Variants in GRAMD1B observed in about 807,000 individuals in gnomAD.
GRAMD1B encodes the protein protein Aster-B.
A neutral mutation model predicts 99.7 loss-of-function variants in GRAMD1B; 37 were observed. The observed-to-expected ratio is 0.37, with a 90% CI of 0.29 to 0.49. The LOEUF (loss-of-function observed/expected upper bound fraction) is 0.49. Among genes scored for constraint, GRAMD1B ranks in the 20% least tolerant of loss-of-function variants. GRAMD1B has a pLI of 0.98. For missense variants in GRAMD1B, 888 were observed against 1,009.2 expected (o/e 0.88, Z 1.63); for synonymous variants, 427 against 387.6 (o/e 1.10, Z -1.19).
intron 1 of GRAMD1B, among the ~76,000 whole-genome samples, chr11:123,457,981 G>A (rs1159562524): frequency 6.6e-6 from 1 of 152,212 alleles, no homozygotes. Context: ...CTCCCAAAAT[G>A]TTGGGATTAC....
At chr11:123,563,150 C>T (rs968677479) in intron 2 of GRAMD1B, among the ~76,000 whole-genome samples, 1 of 152,120 alleles carries the variant, frequency 6.6e-6, no homozygotes, top group Non-Finnish European at 1.5e-5. Flanking sequence ...GAAAATGTCA[C>T]GTGGAGGAGA....
At chr11:123,621,250 T>C (rs1955085036) in intron 19 of GRAMD1B, among the ~76,000 whole-genome samples, 1 of 152,210 alleles carries the variant, frequency 6.6e-6, no homozygotes, top group Non-Finnish European at 1.5e-5. Flanking sequence ...TCTTATGTTG[T>C]AATACAGCAG....
chr11:123,480,968 G>A (rs1200934338), intron 2 of GRAMD1B, 75 bp downstream of exon 2: 1 of 398,158 alleles, frequency 2.5e-6, no homozygotes, highest in African/African-American at 2.1e-5. Flanking sequence ...GGAAGATTGT[G>A]CCTCTGCTCT....
At chr11:123,611,079 C>T (rs993907361) in intron 14 of GRAMD1B, among the ~76,000 whole-genome samples, 2 of 152,112 alleles carry the variant, frequency 1.3e-5, no homozygotes, top group Admixed American at 1.3e-4. Flanking sequence ...GCCAAAAATT[C>T]GCTGATGTAG....
chr11:123,405,541 G>A (rs1212501935), intron 1 of GRAMD1B, among the ~76,000 whole-genome samples: 1 of 152,200 alleles, frequency 6.6e-6, no homozygotes, highest in Non-Finnish European at 1.5e-5. Flanking sequence ...CTGTGTTTGA[G>A]ATGCACTGTT....
intron 1 of GRAMD1B, among the ~76,000 whole-genome samples, chr11:123,399,991 A>G (rs960795924): frequency 1.3e-5 from 2 of 152,136 alleles, no homozygotes; most frequent in African/African-American, 4.8e-5. Context: ...CCTGGTAACC[A>G]TTTATATGTC....
At chr11:123,599,293 T>C in intron 7 of GRAMD1B, 2 of 725,600 alleles carry the variant, frequency 2.8e-6, no homozygotes, top group Non-Finnish European at 5.2e-6. Flanking sequence ...GGGTTCCCAC[T>C]GACCTCCATA....
At chr11:123,389,975 T>C (rs1947214708) in intron 1 of GRAMD1B, among the ~76,000 whole-genome samples, 1 of 152,156 alleles carries the variant, frequency 6.6e-6, no homozygotes, top group African/African-American at 2.4e-5. Context: ...CAGGCTGGTC[T>C]CAAACTCCTG....
intron 2 of GRAMD1B, among the ~76,000 whole-genome samples, chr11:123,541,042 C>T (rs551621523): frequency 4.6e-5 from 7 of 152,144 alleles, no homozygotes; most frequent in Admixed American, 4.6e-4. Flanking sequence ...GGCGTGATCT[C>T]GGCTCATCGC....
chr11:123,414,421 G>C, intron 1 of GRAMD1B, among the ~76,000 whole-genome samples: 1 of 152,166 alleles, frequency 6.6e-6, no homozygotes, highest in Non-Finnish European at 1.5e-5. Flanking sequence ...GCCAGGGACA[G>C]TGTTACGTAC....
At chr11:123,367,469 A>G (rs574952753) in intron 1 of GRAMD1B, among the ~76,000 whole-genome samples, 3 of 152,292 alleles carry the variant, frequency 2.0e-5, no homozygotes, top group East Asian at 3.9e-4. Context: ...AAAGGTGAGT[A>G]GGCGTGATCC....
Position 123,554,451 on chromosome 11 carries a change from C to T in GRAMD1B, c.453-22916C>T, listed in dbSNP as rs1182789509. Among the ~76,000 whole-genome samples the T allele has an allele frequency of 3.4e-5, 5 of 149,206 alleles. No individual in the cohort carries two copies. The South Asian group carries it at 8.5e-4, about 25-fold the overall frequency. On this transcript the variant is annotated intron_variant, in intron 2 of 19. Coordinates refer to ENST00000635736, the MANE Select transcript of GRAMD1B (RefSeq NM_001387025.1). The stretch of plus-strand genomic sequence containing the variant: ...TGCATATAATTCCAGCACTTTGGGC[C>T]GCCAAGGTGGGAGGATCGCTTGAGC...
rs998053918 is a variant in GRAMD1B, at chr11:123,465,312, C to T, written c.375-15504C>T. On this transcript the variant is annotated intron_variant, in intron 1 of 19. Coordinates refer to ENST00000635736, the MANE Select transcript of GRAMD1B (RefSeq NM_001387025.1). ...AGAGGAGTTCCTTTAGGTGTTTTCG[C>T]ATTTCCAGAAGCCTAACAGAAACCA... is the stretch of plus-strand genomic sequence containing the variant. Among the ~76,000 whole-genome samples the T allele has an allele frequency of 3.3e-5, 5 of 152,162 alleles. No individual in the cohort carries two copies. In the South Asian group the frequency reaches 1.0e-3, roughly 32 times the overall value.
chr11:123,622,533 A>G lies in GRAMD1B; in HGVS notation c.2572A>G (p.Asn858Asp). Residue 858 changes from asparagine to aspartate, a missense_variant, in exon 20 of 20, where the codon AAC (asparagine) becomes GAC (aspartate). This residue lies in a region of GRAMD1B where 232 missense variants were observed against 261.7 expected (regional missense o/e 0.89). Transcript: ENST00000635736. ...QMKDSLINLQ[N>D]GIRSRDYTSE... Reference sequence around the variant, plus strand: ...GAAGGACTCGCTCATCAACCTTCAGAACGGCATCAGGTCCCGCGACTACAC... The same window carrying G: ...GAAGGACTCGCTCATCAACCTTCAGGACGGCATCAGGTCCCGCGACTACAC... The G allele has an allele frequency of 6.4e-7, 1 of 1,557,976 alleles. No individual in the cohort carries two copies. Among genetic ancestry groups the G allele is most frequent in the Non-Finnish European group, 8.7e-7 (1 of 1,150,674 alleles).
At position 123,500,498 on chromosome 11, in the gene GRAMD1B, A is replaced by T. The variant is rs879049054; in HGVS notation, c.452+19605A>T. On this transcript the variant is annotated intron_variant, in intron 2 of 19. Transcript: ENST00000635736. ...CACAATGGGAAATTTGCTAAAATTA[A>T]TTGGAGTCTTTTTAAATGAAGAAAT... Among the ~76,000 whole-genome samples, 4 of 152,180 alleles carry T rather than the reference A, an allele frequency of 2.6e-5. No individual in the cohort carries two copies. In the East Asian group the frequency reaches 7.7e-4, roughly 29 times the overall value.
chr11:123,437,060 G>C (rs972948721), intron 1 of GRAMD1B, among the ~76,000 whole-genome samples: 1 of 152,088 alleles, frequency 6.6e-6, no homozygotes, highest in Admixed American at 6.5e-5. Flanking sequence ...AGCTTCATCC[G>C]TGTCCCTACA....
At chr11:123,447,057 T>A (rs1210969673) in intron 1 of GRAMD1B, among the ~76,000 whole-genome samples, 1 of 151,966 alleles carries the variant, frequency 6.6e-6, no homozygotes, top group Non-Finnish European at 1.5e-5. Flanking sequence ...GTGTGGGAGA[T>A]CACTATGTAA....
chr11:123,567,143 G>A (rs1029902681), intron 2 of GRAMD1B, among the ~76,000 whole-genome samples: 1 of 152,174 alleles, frequency 6.6e-6, no homozygotes, highest in African/African-American at 2.4e-5. Flanking sequence ...AGTTCCAGGC[G>A]GTGGGACCAA....
chr11:123,616,166 A>G (rs1284458702), intron 17 of GRAMD1B, among the ~76,000 whole-genome samples: 1 of 152,102 alleles, frequency 6.6e-6, no homozygotes, highest in Non-Finnish European at 1.5e-5. Flanking sequence ...TACTAAAAAT[A>G]CAAATATTAG....
Sources: gnomAD v4.1 joint callset for allele counts (sites outside exome capture counted in the v4.1 genomes callset) on GRCh38, gnomAD v4.1.1 for gene constraint, gnomAD v4.1.1 regional missense constraint, MANE v1.5 for transcripts, NCBI Gene and HGNC (gene_info 2026-07-23, HGNC 2026-07-21) for gene names.